The following SAMD4B variants were observed in gnomAD, a reference collection of about 807,000 sequenced individuals.
SAMD4B encodes protein Smaug homolog 2.
SAMD4B carries 5 observed loss-of-function variants against 74.5 expected under a neutral mutation model. The observed-to-expected ratio is 0.07, with a 90% CI of 0.04 to 0.14. The LOEUF (loss-of-function observed/expected upper bound fraction) is 0.14, where lower values mean the gene tolerates loss of function less well. Ranked by LOEUF, SAMD4B falls within the 10% of genes least tolerant of loss-of-function variation. SAMD4B has a pLI of 1.00. For missense variants in SAMD4B, 608 were observed against 921.8 expected, an observed-to-expected ratio of 0.66 and a Z score of 4.41; for synonymous variants, 373 against 374.9, an observed-to-expected ratio of 1.00 and a Z score of 0.06.
chr19:39,383,524 C>A lies in SAMD4B; in HGVS notation c.2082C>A (p.Ile694=). The part of the protein sequence containing the change: ...LGDGTDKTST[I] Reference sequence around the variant, plus strand: ...ATGGGACAGACAAAACCTCCACCATCTGACGGGACCCACAGCCCAGCGCAC... The same window carrying A: ...ATGGGACAGACAAAACCTCCACCATATGACGGGACCCACAGCCCAGCGCAC... The change falls in exon 14 of 14, where the codon ATC becomes ATA. Residue 694 remains isoleucine, a synonymous_variant. Coordinates refer to ENST00000610417, the MANE Select transcript of SAMD4B (RefSeq NM_001384574.2). This position sits in a 1 kb window ranked among gnomAD's most constrained non-coding sequence, Gnocchi z 4.1. The A allele has an allele frequency of 1.9e-6, 3 of 1,614,250 alleles. No homozygotes were observed. The highest frequency in any genetic ancestry group is 2.5e-6 in the Non-Finnish European group (3 of 1,180,040).
At chr19:39,348,652 T>C (rs1366710070) in intron 1 of SAMD4B, among the ~76,000 whole-genome samples, 1 of 152,182 alleles carries the variant, frequency 6.6e-6, no homozygotes, top group Non-Finnish European at 1.5e-5. Flanking sequence ...AAGGGAGTTT[T>C]TAAAAGCAAG....
At chr19:39,381,237 C>T in intron 12 of SAMD4B, 124 bp downstream of exon 12, 13 of 1,124,642 alleles carry the variant, frequency 1.2e-5, no homozygotes, top group East Asian at 2.5e-5. Flanking sequence ...ATACCTCACA[C>T]CACTCTGCAC....
chr19:39,342,973 C>T (rs1377999712), intron 1 of SAMD4B, among the ~76,000 whole-genome samples: 2 of 151,598 alleles, frequency 1.3e-5, no homozygotes, highest in Non-Finnish European at 2.9e-5. Context: ...CCTCCTCGAG[C>T]CCTTCATGGG....
chr19:39,386,326 C>T (rs1367701377), downstream of SAMD4B: 1 of 1,614,070 alleles, frequency 6.2e-7, no homozygotes, highest in Admixed American at 1.7e-5. The surrounding 1 kb of genome is among the most constrained non-coding windows in gnomAD (Gnocchi z 6.1). Flanking sequence ...TCACCTTCCT[C>T]CCGTTCACTC....
At chr19:39,360,827 A>G (rs1331343708) in intron 3 of SAMD4B, among the ~76,000 whole-genome samples, 1 of 152,136 alleles carries the variant, frequency 6.6e-6, no homozygotes, top group Non-Finnish European at 1.5e-5. Context: ...TGACTGTTAC[A>G]ATCCAGATTT....
At chr19:39,388,245 C>G, downstream of SAMD4B, 2 of 1,259,120 alleles carry the variant, frequency 1.6e-6, no homozygotes, top group Admixed American at 1.8e-5. Flanking sequence ...ATGACAAATT[C>G]TTAGGTACAA....
intron 5 of SAMD4B, 27 bp from the exon 6 acceptor site, chr19:39,376,410 C>T: frequency 6.3e-7 from 1 of 1,579,026 alleles, no homozygotes; most frequent in Non-Finnish European, 8.7e-7. Context: ...AAACTCCTGA[C>T]CTTTCACTCT....
At position 39,385,627 on chromosome 19, in the gene SAMD4B, T is replaced by TA; in HGVS notation, c.*2101dup. The TA allele has an allele frequency of 1.9e-6, 1 of 512,820 alleles. No homozygotes were observed. The highest frequency in any genetic ancestry group is 3.4e-5 in the South Asian group (1 of 29,678). 31.8% of individuals were successfully genotyped at this position (512,820 alleles called of 1,614,324 possible). ...GTTTTTCTCGCTGTTGGAGAAGACT[T>TA]ATTTGTTGGAGTTTCACTTGTTTAA... On this transcript the variant is annotated 3_prime_UTR_variant, in exon 14 of 14. Coordinates refer to ENST00000610417, the MANE Select transcript of SAMD4B (RefSeq NM_001384574.2).
intron 10 of SAMD4B, 61 bp downstream of exon 10, chr19:39,380,145 C>A (rs888037183): frequency 3.8e-6 from 5 of 1,322,252 alleles, no homozygotes; most frequent in Non-Finnish European, 5.4e-6. Context: ...GTTAGCAGAT[C>A]GTGCTTAGAG....
intron 2 of SAMD4B, among the ~76,000 whole-genome samples, chr19:39,354,626 G>A (rs1486896863): frequency 1.3e-5 from 2 of 152,170 alleles, no homozygotes; most frequent in East Asian, 3.8e-4. Flanking sequence ...ATACCTGAGA[G>A]TGCCAAATTA....
intron 3 of SAMD4B, among the ~76,000 whole-genome samples, chr19:39,366,202 G>A (rs2076952472): frequency 6.6e-6 from 1 of 152,168 alleles, no homozygotes; most frequent in South Asian, 2.1e-4. Flanking sequence ...TGTAATCGCA[G>A]CTACTCAGGA....
chr19:39,383,091 C>T lies in SAMD4B; in HGVS notation c.1973-117C>T, dbSNP rs1473848085. The stretch of plus-strand genomic sequence containing the variant: ...CCCTGTCCACCTCCTCCCGTTCTTC[C>T]CTCTCCCCCTCCATCTCTCTTGCTC... On this transcript the variant is annotated intron_variant, in intron 12 of 13. Coordinates refer to ENST00000610417, the MANE Select transcript of SAMD4B (RefSeq NM_001384574.2). This position sits in a 1 kb window ranked among gnomAD's most constrained non-coding sequence, Gnocchi z 4.1. 3.7e-6 allele frequency: 3 copies of T among 820,384 alleles called. No homozygotes were observed. The highest frequency in any genetic ancestry group is 6.4e-6 in the Non-Finnish European group (3 of 466,206). 50.8% of individuals were successfully genotyped at this position (820,384 alleles called of 1,614,324 possible).
At chr19:39,390,304 A>G (rs1368681626), downstream of SAMD4B, 2 of 1,607,678 alleles carry the variant, frequency 1.2e-6, no homozygotes, top group East Asian at 2.2e-5. Flanking sequence ...TGGAGAAGAA[A>G]GAAACAGTGA....
downstream of SAMD4B, chr19:39,389,660 G>A: frequency 6.2e-7 from 1 of 1,614,204 alleles, no homozygotes; most frequent in Middle Eastern, 1.6e-4. The surrounding 1 kb of genome is among the most constrained non-coding windows in gnomAD (Gnocchi z 5.3). Flanking sequence ...GATGCGGTAG[G>A]TGTCAGGATT....
At chr19:39,348,768 T>C (rs2075846208) in intron 1 of SAMD4B, among the ~76,000 whole-genome samples, 2 of 152,136 alleles carry the variant, frequency 1.3e-5, no homozygotes, top group African/African-American at 4.8e-5. Flanking sequence ...AGACAATCCA[T>C]TTGTCCAGAT....
chr19:39,375,601 T>C lies in SAMD4B; in HGVS notation c.668-49T>C. 1 of 1,575,866 alleles carries C rather than the reference T, an allele frequency of 6.3e-7. No homozygotes were observed. The highest frequency in any genetic ancestry group is 8.7e-7 in the Non-Finnish European group (1 of 1,153,020). The stretch of plus-strand genomic sequence containing the variant: ...CTGACGGCAGGGGGATGGTCTCCTG[T>C]GGTTGGGTCCCCAGGTCTAATATTT... On this transcript the variant is annotated intron_variant, in intron 4 of 13. Coordinates refer to ENST00000610417, the MANE Select transcript of SAMD4B (RefSeq NM_001384574.2). This position sits in a 1 kb window ranked among gnomAD's most constrained non-coding sequence, Gnocchi z 4.1.
intron 1 of SAMD4B, chr19:39,350,788 C>G (rs1391413656): frequency 6.6e-6 from 1 of 151,458 alleles, no homozygotes; most frequent in Non-Finnish European, 1.5e-5. Flanking sequence ...CGTGCCCAGC[C>G]TTTCTCCAGG....
At chr19:39,366,372 G>A (rs959376619) in intron 3 of SAMD4B, among the ~76,000 whole-genome samples, 3 of 152,132 alleles carry the variant, frequency 2.0e-5, no homozygotes, top group Non-Finnish European at 4.4e-5. Flanking sequence ...TTGGGAGGCC[G>A]AGGCAGGAGA....
At chr19:39,380,537 G>A (rs749036139) in intron 10 of SAMD4B, 50 bp from the exon 11 acceptor site, 4 of 1,592,888 alleles carry the variant, frequency 2.5e-6, no homozygotes, top group Non-Finnish European at 3.4e-6. Flanking sequence ...GGGGTGGACA[G>A]ATAGGCCCCA....
Sources: allele counts gnomAD v4.1 joint callset (sites outside exome capture counted in the v4.1 genomes callset), GRCh38; gene constraint gnomAD v4.1.1; non-coding constraint Gnocchi (gnomAD v3.1); transcripts MANE v1.5; gene names NCBI Gene and HGNC (gene_info 2026-07-23, HGNC 2026-07-21).